Variants in TTLL5 observed in about 807,000 individuals in gnomAD.
TTLL5 encodes tubulin tyrosine ligase like 5.
TTLL5 carries 132 observed loss-of-function variants against 168.4 expected under a neutral mutation model. That is an observed-to-expected ratio of 0.78 (90% CI 0.68 to 0.91). The LOEUF is 0.91. Among genes scored for constraint, TTLL5 ranks in the 40% least tolerant of loss-of-function variants. TTLL5 has a pLI of 0.00. For missense variants in TTLL5, 1,545 were observed against 1,581.5 expected (o/e 0.98, Z 0.39); for synonymous variants, 546 against 558.6 (o/e 0.98, Z 0.32).
intron 30 of TTLL5, among the ~76,000 whole-genome samples, chr14:75,900,124 T>A (rs543569960): frequency 7.2e-5 from 11 of 152,126 alleles, no homozygotes; most frequent in Non-Finnish European, 1.6e-4. Context: ...GCAAACATCA[T>A]CTACAGATGC....
chr14:75,830,189 CAAG>C (rs1038066586), intron 28 of TTLL5, among the ~76,000 whole-genome samples: 6 of 152,016 alleles, frequency 3.9e-5, no homozygotes, highest in Admixed American at 6.6e-5. Flanking sequence ...CAAATTTTTT[CAAG>C]AAGAAGGAAA....
intron 31 of TTLL5, chr14:75,904,074 C>T: frequency 8.2e-7 from 1 of 1,217,760 alleles, no homozygotes; most frequent in Non-Finnish European, 1.0e-6. Context: ...ACTCCCTGCT[C>T]ATGCCCCAGT....
chr14:75,708,146 G>A (rs1886787484), intron 9 of TTLL5, among the ~76,000 whole-genome samples: 1 of 152,176 alleles, frequency 6.6e-6, no homozygotes, highest in Non-Finnish European at 1.5e-5. Context: ...CAACCTTTTA[G>A]TTGATGCATT....
intron 2 of TTLL5, among the ~76,000 whole-genome samples, chr14:75,666,926 G>T (rs1401030831): frequency 6.6e-6 from 1 of 152,136 alleles, no homozygotes; most frequent in Non-Finnish European, 1.5e-5. Context: ...TATAAAAGTG[G>T]ATTTTAATAT....
chr14:75,771,517 A>T (rs1309296154), intron 20 of TTLL5, among the ~76,000 whole-genome samples: 1 of 152,146 alleles, frequency 6.6e-6, no homozygotes, highest in African/African-American at 2.4e-5. Flanking sequence ...AATAAATAGG[A>T]TTCTCCATCT....
chr14:75,772,219 C>G lies in TTLL5; in HGVS notation c.2136+365C>G, dbSNP rs1248625499. 2.6e-5 allele frequency among the ~76,000 whole-genome samples: 4 copies of G among 152,188 alleles called. No homozygotes were observed. The East Asian group carries it at 7.7e-4, about 29-fold the overall frequency. ...CTCAAGCAACCTCACATTATTAACT[C>G]TGAGGTAGGCATTATCATCCCTGTT... On this transcript the variant is annotated intron_variant, in intron 21 of 31. Coordinates refer to ENST00000298832, the MANE Select transcript of TTLL5 (RefSeq NM_015072.5).
rs1006018520 is a variant in TTLL5, at chr14:75,764,139, T to C, written c.1551-476T>C. ...CACAGATCATCAGCCTTTGTTCCCC[T>C]CATCTGAACCTCTGCTAAATCCATA... is the stretch of plus-strand genomic sequence containing the variant. On this transcript the variant is annotated intron_variant, in intron 18 of 31. Transcript: ENST00000298832. 2.0e-5 allele frequency among the ~76,000 whole-genome samples: 3 copies of C among 152,190 alleles called. No individual in the cohort carries two copies. In the South Asian group the frequency reaches 6.2e-4, roughly 31 times the overall value.
At chr14:75,788,907 A>C (rs1477004059) in intron 26 of TTLL5, among the ~76,000 whole-genome samples, 1 of 152,214 alleles carries the variant, frequency 6.6e-6, no homozygotes, top group Non-Finnish European at 1.5e-5. Context: ...GTACACCATG[A>C]GCAAGTTTAT....
intron 28 of TTLL5, among the ~76,000 whole-genome samples, chr14:75,860,443 A>G (rs1897340109): frequency 6.6e-6 from 1 of 152,222 alleles, no homozygotes; most frequent in Non-Finnish European, 1.5e-5. Flanking sequence ...TTATATAAAT[A>G]CTGTAAAATC....
chr14:75,945,446 G>A lies in TTLL5; in HGVS notation c.3824-8978G>A, dbSNP rs182588948. On this transcript the variant is annotated intron_variant, in intron 31 of 31. Coordinates refer to ENST00000298832, the MANE Select transcript of TTLL5 (RefSeq NM_015072.5). ...TGATTTTTATATTTTTAGTAGAGAC[G>A]GGGTGTCACCATGTTGGTCAGGATG... Among the ~76,000 whole-genome samples the A allele has an allele frequency of 1.6e-3, 239 of 151,456 alleles. 1 individual carries two copies. The highest frequency in any genetic ancestry group is 5.3e-3 in the African/African-American group (217 of 41,290).
chr14:75,782,333 G>GGT (rs1298471585), intron 24 of TTLL5, among the ~76,000 whole-genome samples, 154 bp from the exon 25 acceptor site: 2 of 151,968 alleles, frequency 1.3e-5, no homozygotes, highest in Non-Finnish European at 2.9e-5. Flanking sequence ...TAGGGCTGTG[G>GGT]GTGTCTTCAT....
intron 26 of TTLL5, among the ~76,000 whole-genome samples, chr14:75,784,379 C>T (rs1892247166): frequency 6.6e-6 from 1 of 152,190 alleles, no homozygotes; most frequent in Non-Finnish European, 1.5e-5. Flanking sequence ...GCTGCTTTCA[C>T]TTAGCATAAT....
chr14:75,944,605 C>T (rs958360553), intron 31 of TTLL5, among the ~76,000 whole-genome samples: 9 of 152,208 alleles, frequency 5.9e-5, no homozygotes, highest in African/African-American at 2.2e-4. Context: ...GGAAAGGTTA[C>T]AGTAGGTAGT....
At position 75,766,581 on chromosome 14, in the gene TTLL5, C is replaced by G. The variant is rs115744658; in HGVS notation, c.2015+213C>G. On this transcript the variant is annotated intron_variant, in intron 20 of 31. Coordinates refer to ENST00000298832, the MANE Select transcript of TTLL5 (RefSeq NM_015072.5). ...TCTAAGGTAGAGCTATGATACAAAC[C>G]CGGGTCTCATTGGTTGGGCATTTGT... is the stretch of plus-strand genomic sequence containing the variant. Among the ~76,000 whole-genome samples the G allele has an allele frequency of 8.3e-3, 1,266 of 152,102 alleles. 17 individuals are homozygous for G. The highest frequency in any genetic ancestry group is 0.029 in the African/African-American group (1,192 of 41,484).
At chr14:75,884,366 C>T (rs1340435267) in intron 30 of TTLL5, among the ~76,000 whole-genome samples, 1 of 152,188 alleles carries the variant, frequency 6.6e-6, no homozygotes, top group Non-Finnish European at 1.5e-5. Flanking sequence ...GAGAGGTGGG[C>T]CCAGGCGGCA....
intron 2 of TTLL5, among the ~76,000 whole-genome samples, chr14:75,667,070 T>C (rs1883313799): frequency 6.8e-6 from 1 of 148,002 alleles, no homozygotes; most frequent in Admixed American, 6.7e-5. Context: ...CTTAAGTGCT[T>C]TTTTTTTTTA....
At chr14:75,856,625 CTT>C (rs35004666) in intron 28 of TTLL5, among the ~76,000 whole-genome samples, 69 of 97,198 alleles carry the variant, frequency 7.1e-4, no homozygotes, top group Non-Finnish European at 8.6e-4. Context: ...AGTTGTATTG[CTT>C]TTTTTTTTTT....
chr14:75,945,008 GCATATGTGGA>G (rs1023045830), intron 31 of TTLL5, among the ~76,000 whole-genome samples: 1 of 151,876 alleles, frequency 6.6e-6, no homozygotes, highest in African/African-American at 2.4e-5. Context: ...CACTGCATCT[GCATATGTGGA>G]CAGCCCACTC....
intron 4 of TTLL5, among the ~76,000 whole-genome samples, chr14:75,682,945 A>AT (rs61555285): frequency 1.3e-5 from 2 of 151,024 alleles, no homozygotes; most frequent in African/African-American, 4.9e-5. Context: ...TAAAAAAAAA[A>AT]TTTTTTTTAT....
Sources: gnomAD v4.1 joint callset for allele counts (sites outside exome capture counted in the v4.1 genomes callset) on GRCh38, gnomAD v4.1.1 for gene constraint, MANE v1.5 for transcripts, NCBI Gene and HGNC (gene_info 2026-07-23, HGNC 2026-07-21) for gene names.